Variants in CFAP95 observed in about 807,000 individuals in gnomAD.
CFAP95 encodes the protein cilia and flagella associated protein 95, also known as cilia- and flagella-associated protein 95.
the CFAP95 span, among the ~76,000 whole-genome samples, chr9:69,886,485 C>A: frequency 6.6e-6 from 1 of 152,108 alleles, no homozygotes; most frequent in African/African-American, 2.4e-5. Flanking sequence ...CTTGATAAGT[C>A]CTTAGCTAAG....
the CFAP95 span, among the ~76,000 whole-genome samples, chr9:69,871,673 A>G: frequency 2.4e-4 from 36 of 152,176 alleles, no homozygotes; most frequent in Non-Finnish European, 2.8e-4. Flanking sequence ...GGCTTAGGCA[A>G]TTGGAGGGTG....
At chr9:69,844,649 T>G in the CFAP95 span, 113 of 1,527,802 alleles carry the variant, frequency 7.4e-5, no homozygotes, top group Middle Eastern at 6.9e-4. Context: ...ATTACTTCGT[T>G]TGAAGTCTGA....
chr9:69,897,052 A>C, the CFAP95 span, among the ~76,000 whole-genome samples: 2 of 152,188 alleles, frequency 1.3e-5, no homozygotes, highest in African/African-American at 4.8e-5. Context: ...ACCATTCTGC[A>C]TGTGTGCTTA....
the CFAP95 span, among the ~76,000 whole-genome samples, chr9:69,832,062 G>A: frequency 3.3e-5 from 5 of 152,178 alleles, no homozygotes; most frequent in African/African-American, 1.2e-4. Context: ...TAACAAGGGT[G>A]TGAACAGCAA....
chr9:69,849,368 A>T, the CFAP95 span, among the ~76,000 whole-genome samples: 1 of 152,030 alleles, frequency 6.6e-6, no homozygotes, highest in African/African-American at 2.4e-5. Flanking sequence ...GGAGGGAGGA[A>T]GGGGAGGAGG....
the CFAP95 span, among the ~76,000 whole-genome samples, chr9:69,853,806 T>C: frequency 6.6e-6 from 1 of 152,192 alleles, no homozygotes; most frequent in Non-Finnish European, 1.5e-5. Context: ...CTATGTATTG[T>C]CAGAGACCAA....
the CFAP95 span, chr9:69,858,135 C>G: frequency 3.2e-6 from 2 of 615,512 alleles, no homozygotes; most frequent in African/African-American, 3.7e-5. Flanking sequence ...TCTCCTTTCA[C>G]ATGCACAACA....
At chr9:69,836,854 A>G in the CFAP95 span, among the ~76,000 whole-genome samples, 3 of 150,560 alleles carry the variant, frequency 2.0e-5, no homozygotes, top group African/African-American at 7.3e-5. Context: ...AGCATTAGGT[A>G]TATCTCCCAA....
the CFAP95 span, among the ~76,000 whole-genome samples, chr9:69,838,367 T>G: frequency 6.6e-6 from 1 of 151,628 alleles, no homozygotes; most frequent in Non-Finnish European, 1.5e-5. Context: ...CCCATGAGCA[T>G]GGAATGTTCT....
the CFAP95 span, among the ~76,000 whole-genome samples, chr9:69,891,800 C>G: frequency 6.6e-6 from 1 of 152,120 alleles, no homozygotes; most frequent in South Asian, 2.1e-4. Context: ...ATTTTATGGC[C>G]ATGTGATATG....
the CFAP95 span, among the ~76,000 whole-genome samples, chr9:69,882,126 G>T: frequency 6.6e-6 from 1 of 152,148 alleles, no homozygotes; most frequent in Admixed American, 6.5e-5. Context: ...GGGATTAGAG[G>T]TGTGTGCCAC....
chr9:69,900,118 G>T, the CFAP95 span, among the ~76,000 whole-genome samples: 1 of 151,974 alleles, frequency 6.6e-6, no homozygotes, highest in Non-Finnish European at 1.5e-5. Flanking sequence ...TAACTGCATT[G>T]CAAATTGAGG....
the CFAP95 span, among the ~76,000 whole-genome samples, chr9:69,895,188 G>A: frequency 1.3e-5 from 2 of 151,940 alleles, no homozygotes; most frequent in Non-Finnish European, 2.9e-5. Flanking sequence ...ATGTAAGTGG[G>A]GCTCATTGAA....
chr9:69,878,479 C>G, the CFAP95 span, among the ~76,000 whole-genome samples: 1 of 152,174 alleles, frequency 6.6e-6, no homozygotes, highest in African/African-American at 2.4e-5. Flanking sequence ...TGATTTGGCT[C>G]TACGGATTCT....
chr9:69,853,336 A>G, the CFAP95 span, among the ~76,000 whole-genome samples: 1 of 152,228 alleles, frequency 6.6e-6, no homozygotes, highest in South Asian at 2.1e-4. Context: ...TTCTAGAAGA[A>G]TAGAAATTGG....
chr9:69,895,558 C>T, the CFAP95 span, among the ~76,000 whole-genome samples: 50 of 152,050 alleles, frequency 3.3e-4, no homozygotes, highest in African/African-American at 7.7e-4. Context: ...AGTATCCTTT[C>T]GGATTAAAGA....
the CFAP95 span, among the ~76,000 whole-genome samples, chr9:69,831,261 G>T: frequency 6.6e-6 from 1 of 151,932 alleles, no homozygotes; most frequent in Non-Finnish European, 1.5e-5. Flanking sequence ...TTTATAGACA[G>T]TGATAGGATA....
At chr9:69,867,493 T>G in the CFAP95 span, among the ~76,000 whole-genome samples, 1 of 152,328 alleles carries the variant, frequency 6.6e-6, no homozygotes, top group South Asian at 2.1e-4. Flanking sequence ...TGGTTTATCT[T>G]GTGGCCACTA....
At chr9:69,858,256 G>A in the CFAP95 span, 456 of 429,994 alleles carry the variant, frequency 1.1e-3, no homozygotes, top group African/African-American at 7.8e-3. Flanking sequence ...GTCAATACTC[G>A]TGGTTCTGTC....
Sources: allele counts gnomAD v4.1 joint callset (sites outside exome capture counted in the v4.1 genomes callset), GRCh38; gene constraint gnomAD v4.1.1; transcripts MANE v1.5; gene names NCBI Gene and HGNC (gene_info 2026-07-23, HGNC 2026-07-21).